The following MRPL36 variants were observed in gnomAD, a reference collection of about 807,000 sequenced individuals.
The protein encoded by MRPL36 is large ribosomal subunit protein bL36m.
In MRPL36, 1 loss-of-function variant was observed where a neutral mutation model predicts 2.8. The observed-to-expected ratio is 0.36, with a 90% CI of 0.13 to 1.69. MRPL36 has a LOEUF of 1.69. MRPL36 is among the 40% of genes most tolerant of loss of function. The pLI is 0.35. For missense variants in MRPL36, 148 were observed against 132.7 expected (o/e 1.12, Z -0.57); for synonymous variants, 68 against 54.8 (o/e 1.24, Z -1.06).
upstream of MRPL36, among the ~76,000 whole-genome samples, chr5:1,801,101 T>C (rs1048858681): frequency 2.6e-5 from 4 of 152,234 alleles, no homozygotes; most frequent in African/African-American, 4.8e-5. Context: ...ATCAGGGCCC[T>C]AGCTCTAGCC....
At chr5:1,800,330 C>T (rs552444869), upstream of MRPL36, among the ~76,000 whole-genome samples, 2 of 152,326 alleles carry the variant, frequency 1.3e-5, no homozygotes, top group African/African-American at 4.8e-5. Flanking sequence ...ACCCTTAGCT[C>T]GCTTATCCCT....
intron 1 of MRPL36, 169 bp downstream of exon 1, chr5:1,799,623 C>T (rs2270826): frequency 0.49 from 74,918 of 151,652 alleles, 21,684 homozygotes; most frequent in Middle Eastern, 0.66. Context: ...CGGACCCGCA[C>T]CCCCCAACCC....
upstream of MRPL36, among the ~76,000 whole-genome samples, chr5:1,801,104 C>T (rs1734023767): frequency 6.6e-6 from 1 of 152,274 alleles, no homozygotes; most frequent in East Asian, 1.9e-4. Context: ...AGGGCCCTAG[C>T]TCTAGCCTGC....
Position 1,798,530 on chromosome 5 carries a change from T to C in MRPL36, c.*94A>G. On this transcript the variant is annotated 3_prime_UTR_variant, in exon 2 of 2. Transcript: ENST00000505059. ...GCGTTTGCTTCCAGTCACTTTCCCC[T>C]GACTCCTTGATGTGATAATTCCTTC... The C allele has an allele frequency of 7.7e-7, 1 of 1,304,980 alleles. No homozygotes were observed. The highest frequency in any genetic ancestry group is 2.4e-5 in the East Asian group (1 of 42,468). 80.8% of individuals were successfully genotyped at this position (1,304,980 alleles called of 1,614,324 possible). A position where few individuals can be genotyped will look rare whatever the true frequency, so the allele number is the denominator to read the frequency against.
Position 1,798,959 on chromosome 5 carries a change from A to G in MRPL36, c.-12-12T>C, listed in dbSNP as rs1293969922. ...ATGTTGTGGTGAATCTATGGGAGAG[A>G]GAAAAAAAGGAGTTATAGCTTCTCC... On this transcript the variant is annotated splice_polypyrimidine_tract_variant and intron_variant, in intron 1 of 1. Coordinates refer to ENST00000505059, the MANE Select transcript of MRPL36 (RefSeq NM_032479.4). The G allele has an allele frequency of 6.5e-7, 1 of 1,543,564 alleles. No homozygotes were observed. Among genetic ancestry groups the G allele is most frequent in the Non-Finnish European group, 8.8e-7 (1 of 1,141,494 alleles).
intron 1 of MRPL36, 77 bp from the exon 2 acceptor site, chr5:1,799,024 T>G: frequency 8.1e-7 from 1 of 1,234,876 alleles, no homozygotes; most frequent in Non-Finnish European, 1.1e-6. Flanking sequence ...TTTTCTCTGT[T>G]TCACTGAGGC....
chr5:1,799,382 G>A (rs1733951302), intron 1 of MRPL36: 1 of 154,084 alleles, frequency 6.5e-6, no homozygotes, highest in African/African-American at 2.4e-5. Flanking sequence ...CGCTCCGGAA[G>A]AGCACGGAAC....
rs1406001319 is a variant in MRPL36, at chr5:1,798,802, C to G, written c.134G>C (p.Gly45Ala). ...TGAGAGAAGTGAGCGCACTGCTGCC[C>G]CGGGTTCCACAGCCACGGGGGCTGC... ...RGAAPVAVEP[G>A]AAVRSLLSPG... The change falls in exon 2 of 2, where the codon GGG becomes GCG. Residue 45 changes from glycine to alanine, a missense_variant. Coordinates refer to ENST00000505059, the MANE Select transcript of MRPL36 (RefSeq NM_032479.4). 2.5e-6 allele frequency: 4 copies of G among 1,614,076 alleles called. No homozygotes were observed. In the South Asian group the frequency reaches 3.3e-5, roughly 13 times the overall value.
upstream of MRPL36, among the ~76,000 whole-genome samples, chr5:1,800,065 C>T (rs114238519): frequency 0.014 from 2,098 of 152,188 alleles, 64 homozygotes; most frequent in African/African-American, 0.048. Flanking sequence ...AATGGATATC[C>T]GCAACGAAAA....
chr5:1,799,232 G>A (rs1733946191), intron 1 of MRPL36: 1 of 297,960 alleles, frequency 3.4e-6, no homozygotes, highest in African/African-American at 2.1e-5. Flanking sequence ...CCGCTCACTT[G>A]GCTGGGAGGG....
upstream of MRPL36, among the ~76,000 whole-genome samples, chr5:1,800,992 C>G (rs1262752037): frequency 1.3e-5 from 2 of 152,160 alleles, no homozygotes; most frequent in South Asian, 4.1e-4. Flanking sequence ...AGAATATAAA[C>G]AATGTATTTT....
In MRPL36 at chr5:1,798,668, C is replaced by T. The variant is rs200540489; in HGVS notation, c.268G>A (p.Val90Ile). The change falls in exon 2 of 2, where the codon GTC (valine) becomes ATC (isoleucine). Residue 90 changes from valine (V) to isoleucine (I), a missense_variant. Physicochemically the swap from Val to Ile is conservative, Grantham distance 29. Transcript: ENST00000505059. Reference sequence around the variant, plus strand: ...TGCCTCGGATGGGTTTTACAGTAGACGTACCACCGACCCCGCCTCTTCACC... The same window carrying T: ...TGCCTCGGATGGGTTTTACAGTAGATGTACCACCGACCCCGCCTCTTCACC... ...YLVKRRGRWY[V>I]YCKTHPRHKQ... 6.9e-5 allele frequency: 112 copies of T among 1,613,696 alleles called. No individual in the cohort carries two copies. The East Asian group carries it at 2.4e-3, about 34-fold the overall frequency.
rs927919295 is a variant in MRPL36, at chr5:1,798,999, C to A, written c.-12-52G>T. Reference sequence around the variant, plus strand: ...ATAGCTTCTCCTGCACTTCCACCTGCTCTTTAAGGCTTCCTTTTCTCTGTT... The same window carrying A: ...ATAGCTTCTCCTGCACTTCCACCTGATCTTTAAGGCTTCCTTTTCTCTGTT... On this transcript the variant is annotated intron_variant, in intron 1 of 1. Coordinates refer to ENST00000505059, the MANE Select transcript of MRPL36 (RefSeq NM_032479.4). The A allele has an allele frequency of 2.0e-5, 28 of 1,376,422 alleles. 1 individual carries two copies. The highest frequency in any genetic ancestry group is 2.7e-5 in the Non-Finnish European group (27 of 1,006,368). The allele number at this position is 1,376,422 out of a possible 1,614,324, so 85.3% of individuals were successfully genotyped here. A position where few individuals can be genotyped will look rare whatever the true frequency, so the allele number is the denominator to read the frequency against.
rs1417890513 is a variant in MRPL36, at chr5:1,798,563, T to C, written c.*61A>G. The C allele has an allele frequency of 1.3e-6, 2 of 1,507,616 alleles. No individual in the cohort carries two copies. Among genetic ancestry groups the C allele is most frequent in the African/African-American group, 2.8e-5 (2 of 72,688 alleles). 93.4% of individuals were successfully genotyped at this position (1,507,616 alleles called of 1,614,324 possible). A position where few individuals can be genotyped will look rare whatever the true frequency, so the allele number is the denominator to read the frequency against. ...TGATGTGATAATTCCTTCCATAAGA[T>C]ACAACCATTCTCCCAAGTGATGCGA... On this transcript the variant is annotated 3_prime_UTR_variant, in exon 2 of 2. Transcript: ENST00000505059.
At chr5:1,799,406 T>C (rs1733953994) in intron 1 of MRPL36, 1 of 153,028 alleles carries the variant, frequency 6.5e-6, no homozygotes, top group African/African-American at 2.4e-5. Flanking sequence ...GGCACCCCGG[T>C]CGCCCGCCCC....
At chr5:1,801,428 C>G (rs773943416), upstream of MRPL36, 1 of 1,605,048 alleles carries the variant, frequency 6.2e-7, no homozygotes, top group East Asian at 2.2e-5. Flanking sequence ...ATGGCGGCGG[C>G]GATGACCTTC....
Position 1,799,818 on chromosome 5 carries a change from G to T in MRPL36, c.-39C>A, listed in dbSNP as rs1039081718. ...CGGCCGCACGCTCTCACCCGGCGCC[G>T]ACCCCTGCGTCTGCGCACTGGCACG... is the stretch of plus-strand genomic sequence containing the variant. On this transcript the variant is annotated 5_prime_UTR_variant, in exon 1 of 2. Coordinates refer to ENST00000505059, the MANE Select transcript of MRPL36 (RefSeq NM_032479.4). 1.7e-5 allele frequency: 1 copy of T among 59,668 alleles called. No individual in the cohort carries two copies. Among genetic ancestry groups the T allele is most frequent in the African/African-American group, 4.0e-5 (1 of 24,754 alleles). 3.7% of individuals were successfully genotyped at this position (59,668 alleles called of 1,614,324 possible).
rs747387459 is a variant in MRPL36 at position 1,798,818 on chromosome 5, C to T, written c.118G>A (p.Val40Met). Residue 40 changes from valine to methionine, a missense_variant, in exon 2 of 2, where the codon GTG (valine) becomes ATG (methionine). Transcript: ENST00000505059. ...LFGSIRGAAP[V>M]AVEPGAAVRS... ...ACTGCTGCCCCGGGTTCCACAGCCA[C>T]GGGGGCTGCACCTCGAATGGATCCA... The T allele has an allele frequency of 8.7e-6, 14 of 1,614,118 alleles. No individual in the cohort carries two copies. The highest frequency in any genetic ancestry group is 1.1e-5 in the Non-Finnish European group (13 of 1,180,024).
At position 1,798,669 on chromosome 5, in the gene MRPL36, G is replaced by A. The variant is rs746972875; in HGVS notation, c.267C>T (p.Tyr89=). ...GCCTCGGATGGGTTTTACAGTAGAC[G>A]TACCACCGACCCCGCCTCTTCACCA... The part of the protein sequence containing the change: ...CYLVKRRGRW[Y]VYCKTHPRHK... Residue 89 remains tyrosine (Y), a synonymous_variant, in exon 2 of 2, where the codon TAC becomes TAT. Transcript: ENST00000505059. 9.9e-6 allele frequency: 16 copies of A among 1,613,558 alleles called. No homozygotes were observed. The highest frequency in any genetic ancestry group is 1.6e-4 in the Middle Eastern group (1 of 6,078).
Sources: gnomAD v4.1 joint callset for allele counts (sites outside exome capture counted in the v4.1 genomes callset) on GRCh38, gnomAD v4.1.1 for gene constraint, MANE v1.5 for transcripts, NCBI Gene and HGNC (gene_info 2026-07-23, HGNC 2026-07-21) for gene names.